Variants in SSUH2 observed in about 807,000 individuals in gnomAD.
SSUH2 encodes the protein protein SSUH2 homolog.
Under a neutral mutation model 55.3 loss-of-function variants are expected in SSUH2, and 47 were observed. The ratio of observed to expected loss-of-function variants is 0.85; its 90% CI spans 0.67 to 1.08. The LOEUF is 1.08. Among genes scored for constraint, SSUH2 ranks in the 50% least tolerant of loss-of-function variants. The probability of loss-of-function intolerance (pLI) is 0.00; values close to 1 mark genes in which losing one functional copy is unlikely to be tolerated. For synonymous variants in SSUH2, 212 were observed against 191.5 expected (o/e 1.11, Z -0.89); for missense variants, 535 against 490.7 (o/e 1.09, Z -0.85).
chr3:8,663,288 C>T (rs1250373531), intron 6 of SSUH2, among the ~76,000 whole-genome samples: 1 of 152,262 alleles, frequency 6.6e-6, no homozygotes, highest in Non-Finnish European at 1.5e-5. Context: ...AAAGCCCAGG[C>T]TCTACCACAC....
At chr3:8,632,195 AGGGCTCAGTG>A (rs1481594664) in intron 4 of SSUH2, 86 bp from the exon 5 acceptor site, 11 of 1,166,154 alleles carry the variant, frequency 9.4e-6, no homozygotes, top group Admixed American at 1.7e-5. Context: ...TTACCCTCCC[AGGGCTCAGTG>A]GGGAAACTGA....
At chr3:8,652,742 A>G (rs1330556246) in intron 7 of SSUH2, among the ~76,000 whole-genome samples, 1 of 151,732 alleles carries the variant, frequency 6.6e-6, no homozygotes, top group Non-Finnish European at 1.5e-5. Flanking sequence ...TCCTTCTACC[A>G]TTTTCTCCCT....
intron 7 of SSUH2, among the ~76,000 whole-genome samples, chr3:8,655,682 A>G (rs1400445215): frequency 6.6e-6 from 1 of 152,246 alleles, no homozygotes; most frequent in African/African-American, 2.4e-5. Flanking sequence ...ACATGCCTCG[A>G]ATCCATTTTC....
upstream of SSUH2, among the ~76,000 whole-genome samples, chr3:8,646,873 G>A (rs1701741233): frequency 1.3e-5 from 2 of 152,314 alleles, no homozygotes; most frequent in South Asian, 4.1e-4. Context: ...CTTCCTCCCT[G>A]CTGTTGATGG....
intron 11 of SSUH2, among the ~76,000 whole-genome samples, chr3:8,623,154 G>A (rs1447623281): frequency 6.6e-6 from 1 of 152,222 alleles, no homozygotes; most frequent in East Asian, 1.9e-4. Context: ...CAGGGCTGGG[G>A]GTTGGGAAGT....
At position 8,633,803 on chromosome 3, in the gene SSUH2, G is replaced by A. The variant is rs1283289455; in HGVS notation, c.210-8C>T. The A allele has an allele frequency of 1.2e-6, 2 of 1,613,736 alleles. No homozygotes were observed. Among genetic ancestry groups the A allele is most frequent in the Non-Finnish European group, 1.7e-6 (2 of 1,179,972 alleles). ...TCCGTCATCGCAGGGACTCTGCAGG[G>A]GACCGAACAGAGAGGCGGGGGCTTC... On this transcript the variant is annotated splice_polypyrimidine_tract_variant and splice_region_variant and intron_variant, in intron 3 of 11. Transcript: ENST00000544814.
intron 4 of SSUH2, 28 bp from the exon 5 acceptor site, chr3:8,632,137 AC>A: frequency 7.5e-6 from 12 of 1,593,538 alleles, no homozygotes; most frequent in Non-Finnish European, 9.5e-6. Context: ...GCATGTTCAC[AC>A]TCGTGCCCCT....
chr3:8,679,485 G>T, intron 2 of SSUH2, among the ~76,000 whole-genome samples: 1 of 147,480 alleles, frequency 6.8e-6, no homozygotes, highest in African/African-American at 2.5e-5. Context: ...CTGAGAACCA[G>T]CCCCTATTCC....
chr3:8,641,964 G>A (rs1369307566), intron 1 of SSUH2, among the ~76,000 whole-genome samples: 1 of 152,194 alleles, frequency 6.6e-6, no homozygotes, highest in African/African-American at 2.4e-5. Flanking sequence ...ATGGCGATGT[G>A]GCCCCAGACC....
chr3:8,676,943 CG>C (rs1311002153), intron 3 of SSUH2, among the ~76,000 whole-genome samples: 3 of 130,932 alleles, frequency 2.3e-5, no homozygotes, highest in African/African-American at 8.5e-5. Context: ...CCCCATAGTA[CG>C]GGGGGAAGGC....
At chr3:8,678,340 T>C (rs553843403) in intron 2 of SSUH2, among the ~76,000 whole-genome samples, 20 of 152,030 alleles carry the variant, frequency 1.3e-4, no homozygotes, top group East Asian at 1.9e-4. Flanking sequence ...TTATGGGGAG[T>C]CATATCTGTC....
chr3:8,653,398 T>G (rs906262915), intron 7 of SSUH2, among the ~76,000 whole-genome samples: 11 of 152,268 alleles, frequency 7.2e-5, no homozygotes, highest in African/African-American at 2.4e-4. Flanking sequence ...TCAATTTACA[T>G]GTAAATTTGC....
At chr3:8,629,307 C>T (rs1698269325) in intron 7 of SSUH2, 1 of 269,132 alleles carries the variant, frequency 3.7e-6, no homozygotes, top group Non-Finnish European at 7.0e-6. Context: ...AATGGAGTTG[C>T]TTGTTGGTTT....
intron 6 of SSUH2, chr3:8,659,708 A>C: frequency 4.4e-6 from 2 of 452,454 alleles, no homozygotes. Flanking sequence ...TCTACCATGC[A>C]TCATCCGTCT....
intron 2 of SSUH2, 106 bp downstream of exon 2, chr3:8,635,653 C>A (rs1473315609): frequency 2.7e-6 from 3 of 1,123,232 alleles, no homozygotes; most frequent in Non-Finnish European, 3.7e-6. Flanking sequence ...AGGGCCCCCC[C>A]AGGGAAAGGG....
intron 3 of SSUH2, among the ~76,000 whole-genome samples, chr3:8,674,647 T>G (rs1448340027): frequency 2.6e-5 from 4 of 152,134 alleles, no homozygotes; most frequent in Non-Finnish European, 5.9e-5. Context: ...ATTCATCAGT[T>G]TTGGTACATG....
At chr3:8,661,390 C>T (rs1057074409) in intron 6 of SSUH2, among the ~76,000 whole-genome samples, 1 of 152,238 alleles carries the variant, frequency 6.6e-6, no homozygotes, top group Non-Finnish European at 1.5e-5. Flanking sequence ...TTTCCCTCTA[C>T]ACCCATTAGT....
chr3:8,634,532 C>A (rs761089081), intron 3 of SSUH2: 19 of 1,289,676 alleles, frequency 1.5e-5, no homozygotes, highest in Non-Finnish European at 1.9e-5. Context: ...CCAGCATCCT[C>A]CAGCCCTGGC....
intron 1 of SSUH2, among the ~76,000 whole-genome samples, chr3:8,642,558 A>C (rs754562154): frequency 6.6e-6 from 1 of 152,266 alleles, no homozygotes; most frequent in Non-Finnish European, 1.5e-5. Flanking sequence ...GTAGACAGCC[A>C]GCACCTGAAG....
Sources: gnomAD v4.1 joint callset for allele counts (sites outside exome capture counted in the v4.1 genomes callset) on GRCh38, gnomAD v4.1.1 for gene constraint, MANE v1.5 for transcripts, NCBI Gene and HGNC (gene_info 2026-07-23, HGNC 2026-07-21) for gene names.